HINFP: variants seen among roughly 807,000 people sequenced by gnomAD.
HINFP encodes the protein MBD2 (methyl-CpG-binding protein)-interacting zinc finger protein.
Under a neutral mutation model 50.1 loss-of-function variants are expected in HINFP, and 20 were observed. The ratio of observed to expected loss-of-function variants is 0.40; its 90% CI spans 0.28 to 0.58. HINFP has a LOEUF of 0.58. Among genes scored for constraint, HINFP ranks in the 20% least tolerant of loss-of-function variants. The pLI, the probability that HINFP is intolerant of heterozygous loss-of-function variation, is 0.45. For missense variants in HINFP, 505 were observed against 664.1 expected (o/e 0.76, Z 2.63); for synonymous variants, 247 against 243.7 (o/e 1.01, Z -0.13).
At chr11:119,129,490 C>CTTTTCTTTTTT (rs1555213902) in intron 2 of HINFP, among the ~76,000 whole-genome samples, 1 of 124,190 alleles carries the variant, frequency 8.1e-6, no homozygotes, top group African/African-American at 3.1e-5. Context: ...TTTTTCTTTT[C>CTTTTCTTTTTT]TTTTTTTTTT....
chr11:119,126,958 G>A lies in HINFP; in HGVS notation c.14G>A (p.Gly5Glu). The part of the protein sequence containing the change: MPPP[G>E]KVPRKENLWL... ...AGGGTGAAGGCCATGCCGCCTCCTG[G>A]GAAAGTTCCCCGAAAGGAGAATCTG... The change falls in exon 2 of 10, where the codon GGG (glycine) becomes GAG (glutamate). Residue 5 changes from glycine to glutamate, a missense_variant. By Grantham distance (98) the Gly-to-Glu change is moderately conservative. Transcript: ENST00000350777. 1 of 1,613,146 alleles carries A rather than the reference G, an allele frequency of 6.2e-7. No homozygotes were observed. Among genetic ancestry groups the A allele is most frequent in the Non-Finnish European group, 8.5e-7 (1 of 1,179,570 alleles).
intron 5 of HINFP, chr11:119,132,219 G>T (rs1449415046): frequency 6.5e-6 from 4 of 618,210 alleles, no homozygotes; most frequent in African/African-American, 1.8e-5. Context: ...CCATGAGGTA[G>T]GCTTCTTATC....
Position 119,130,725 on chromosome 11 carries a change from A to G in HINFP, c.182A>G (p.Glu61Gly), listed in dbSNP as rs745583132. ...EEEEEEDDPL[E>G]EEFSCLWQEC... ...CTTCCTTTTAAACCCCTTTCTACAG[A>G]GGAAGAATTCTCCTGCTTGTGGCAG... The change falls in exon 3 of 10, where the codon GAG becomes GGG. Residue 61 changes from glutamate to glycine, a missense_variant and splice_region_variant. Coordinates refer to ENST00000350777, the MANE Select transcript of HINFP (RefSeq NM_198971.3). 1.2e-6 allele frequency: 2 copies of G among 1,614,038 alleles called. No individual in the cohort carries two copies. The highest frequency in any genetic ancestry group is 3.3e-5 in the Admixed American group (2 of 60,030).
At position 119,134,261 on chromosome 11, in the gene HINFP, G is replaced by C; in HGVS notation, c.1317G>C (p.Lys439Asn). Residue 439 changes from lysine to asparagine, a missense_variant, in exon 10 of 10, where the codon AAG becomes AAC. Coordinates refer to ENST00000350777, the MANE Select transcript of HINFP (RefSeq NM_198971.3). This position sits in a 1 kb window ranked among gnomAD's most constrained non-coding sequence, Gnocchi z 4.3. ...CAGTGCCAGGGGAGCCAGGACGTAA[G>C]GAAGAGGAAGAGGAGGGCAAGGGTA... Reference protein sequence around the residue: ...LETVPGEPGRKEEEEEGKGSE... With the variant: ...LETVPGEPGRNEEEEEGKGSE... The C allele has an allele frequency of 1.9e-6, 3 of 1,614,074 alleles. No homozygotes were observed. Among genetic ancestry groups the C allele is most frequent in the Non-Finnish European group, 2.5e-6 (3 of 1,179,896 alleles).
chr11:119,133,013 C>T lies in HINFP; in HGVS notation c.1014+11C>T. On this transcript the variant is annotated intron_variant, in intron 8 of 9. Coordinates refer to ENST00000350777, the MANE Select transcript of HINFP (RefSeq NM_198971.3). ...CGCAAAGTACATGAAGTGAGTGGGG[C>T]TGGTGTTGGGAAGGACTAGTGGAAG... 6.2e-7 allele frequency: 1 copy of T among 1,614,212 alleles called. No individual in the cohort carries two copies. Among genetic ancestry groups the T allele is most frequent in the South Asian group, 1.1e-5 (1 of 91,086 alleles).
At position 119,126,969 on chromosome 11, in the gene HINFP, C is replaced by G; in HGVS notation, c.25C>G (p.Arg9Gly). The change falls in exon 2 of 10, where the codon CGA becomes GGA. Residue 9 changes from arginine to glycine, a missense_variant. Physicochemically the swap from Arg to Gly is moderately radical, Grantham distance 125 (BLOSUM62 -2). Coordinates refer to ENST00000350777, the MANE Select transcript of HINFP (RefSeq NM_198971.3). ...CATGCCGCCTCCTGGGAAAGTTCCC[C>G]GAAAGGAGAATCTGTGGCTACAGTG... is the stretch of plus-strand genomic sequence containing the variant. The part of the protein sequence containing the change: MPPPGKVP[R>G]KENLWLQCEW... 1 of 1,613,316 alleles carries G rather than the reference C, an allele frequency of 6.2e-7. No homozygotes were observed. Among genetic ancestry groups the G allele is most frequent in the Non-Finnish European group, 8.5e-7 (1 of 1,179,674 alleles).
chr11:119,122,898 G>A (rs955744809), intron 1 of HINFP, among the ~76,000 whole-genome samples: 1 of 152,044 alleles, frequency 6.6e-6, no homozygotes, highest in South Asian at 2.1e-4. Flanking sequence ...CGAGGCGGGC[G>A]GATCACTTGA....
chr11:119,131,200 C>G lies in HINFP; in HGVS notation c.411+246C>G. 1 of 654,222 alleles carries G rather than the reference C, an allele frequency of 1.5e-6. No individual in the cohort carries two copies. The highest frequency in any genetic ancestry group is 2.8e-6 in the Non-Finnish European group (1 of 356,338). 40.5% of individuals were successfully genotyped at this position (654,222 alleles called of 1,614,324 possible). The stretch of plus-strand genomic sequence containing the variant: ...AACTCCTGGGCTCAAGCAATCCTCC[C>G]ACCTCAGCCTCCCAAGTAGCTAGGA... On this transcript the variant is annotated intron_variant, in intron 3 of 9. Coordinates refer to ENST00000350777, the MANE Select transcript of HINFP (RefSeq NM_198971.3). This position sits in a 1 kb window ranked among gnomAD's most constrained non-coding sequence, Gnocchi z 4.2.
chr11:119,127,473 GTT>G (rs57165169), intron 2 of HINFP: 90 of 68,960 alleles, frequency 1.3e-3, no homozygotes, highest in African/African-American at 3.0e-3. Flanking sequence ...TTGTTGTTGT[GTT>G]TTTTTTTTTT....
At position 119,135,041 on chromosome 11, in the gene HINFP, A is replaced by G. The variant is rs1947997316; in HGVS notation, c.*543A>G. ...CAAATTGTTTTTGGTAATAAAATAA[A>G]TGCTTGGACTCTTATTTATTTCTTC... On this transcript the variant is annotated 3_prime_UTR_variant, in exon 10 of 10. Transcript: ENST00000350777. 1 of 152,918 alleles carries G rather than the reference A, an allele frequency of 6.5e-6. No individual in the cohort carries two copies. The highest frequency in any genetic ancestry group is 2.4e-5 in the African/African-American group (1 of 41,444). The allele number at this position is 152,918 out of a possible 1,614,324, so 9.5% of individuals were successfully genotyped here. A position where few individuals can be genotyped will look rare whatever the true frequency, so the allele number is the denominator to read the frequency against.
chr11:119,133,505 G>C (rs1947897392), intron 9 of HINFP: 2 of 367,100 alleles, frequency 5.4e-6, no homozygotes, highest in Non-Finnish European at 1.0e-5. Context: ...CTTGAACCCA[G>C]AAGGCGGAGG....
chr11:119,129,422 TC>T (rs1431930651), intron 2 of HINFP, among the ~76,000 whole-genome samples: 2 of 151,776 alleles, frequency 1.3e-5, no homozygotes, highest in Admixed American at 6.6e-5. Context: ...TCCTCCTGCC[TC>T]AGCATGCTGA....
chr11:119,133,531 A>G (rs983456756), intron 9 of HINFP: 7 of 309,436 alleles, frequency 2.3e-5, no homozygotes, highest in Non-Finnish European at 4.2e-5. Flanking sequence ...GTGAGCTGAG[A>G]TCATGCCACT....
chr11:119,123,313 A>G (rs1465348063), intron 1 of HINFP, among the ~76,000 whole-genome samples: 30 of 152,052 alleles, frequency 2.0e-4, no homozygotes, highest in Admixed American at 2.0e-3. Flanking sequence ...GTGCTCTTAC[A>G]TCAGATGAAG....
In HINFP at chr11:119,132,910, G is replaced by A. The variant is rs1947853986; in HGVS notation, c.922G>A (p.Glu308Lys). Residue 308 changes from glutamate to lysine, a missense_variant, in exon 8 of 10, where the codon GAG (glutamate) becomes AAG (lysine). Physicochemically the swap from Glu to Lys is moderately conservative, Grantham distance 56. Transcript: ENST00000350777. ...CCAGAAGCACCTGGATACCCACAGC[G>A]AGGAGCCAGCCTACAGGTGTGATTT... ...DLQKHLDTHS[E>K]EPAYRCDFEN... 6 of 1,614,218 alleles carry A rather than the reference G, an allele frequency of 3.7e-6. No individual in the cohort carries two copies. Among genetic ancestry groups the A allele is most frequent in the East Asian group, 4.5e-5 (2 of 44,886 alleles).
rs1489268266 is a variant in HINFP at position 119,131,281 on chromosome 11, G to A, written c.412-254G>A. 1.8e-6 allele frequency: 1 copy of A among 569,180 alleles called. No homozygotes were observed. The highest frequency in any genetic ancestry group is 3.2e-6 in the Non-Finnish European group (1 of 313,696). 35.3% of individuals were successfully genotyped at this position (569,180 alleles called of 1,614,324 possible). A position where few individuals can be genotyped will look rare whatever the true frequency, so the allele number is the denominator to read the frequency against. On this transcript the variant is annotated intron_variant, in intron 3 of 9. Transcript: ENST00000350777. The surrounding 1 kb of genome is among the most constrained non-coding windows in gnomAD (Gnocchi z 4.2). ...CTTCTAAATTTTTTGTAGAGACAAGGTCTGGGTGTGTTGCCCAGGCCGGTC... is the reference window on the plus strand; with the variant it reads ...CTTCTAAATTTTTTGTAGAGACAAGATCTGGGTGTGTTGCCCAGGCCGGTC...
intron 2 of HINFP, chr11:119,127,473 G>GTTTTTTTTTTTTTTTTT (rs57165169): frequency 5.8e-5 from 4 of 68,968 alleles, no homozygotes; most frequent in Non-Finnish European, 9.1e-5. Context: ...TTGTTGTTGT[G>GTTTTTTTTTTTTTTTTT]TTTTTTTTTT....
intron 2 of HINFP, chr11:119,129,859 C>T (rs1947655743): frequency 1.3e-5 from 2 of 152,214 alleles, no homozygotes; most frequent in Admixed American, 1.3e-4. Context: ...AATATGGAGG[C>T]AGCTCTCCTT....
At position 119,131,567 on chromosome 11, in the gene HINFP, G is replaced by T. The variant is rs766129494; in HGVS notation, c.444G>T (p.Arg148=). ...NSFDNPEWFY[R]HVEAHSLCCE... ...TCGACAATCCTGAGTGGTTTTATCG[G>T]CATGTGGAAGCACACAGTCTGTGCT... Residue 148 remains arginine, a synonymous_variant, in exon 4 of 10, where the codon CGG becomes CGT. Coordinates refer to ENST00000350777, the MANE Select transcript of HINFP (RefSeq NM_198971.3). The surrounding 1 kb of genome is among the most constrained non-coding windows in gnomAD (Gnocchi z 4.2). 6.2e-7 allele frequency: 1 copy of T among 1,614,144 alleles called. No homozygotes were observed. Among genetic ancestry groups the T allele is most frequent in the Non-Finnish European group, 8.5e-7 (1 of 1,180,006 alleles).
Sources: gnomAD v4.1 joint callset for allele counts (sites outside exome capture counted in the v4.1 genomes callset) on GRCh38, gnomAD v4.1.1 for gene constraint, Gnocchi (gnomAD v3.1) non-coding constraint, MANE v1.5 for transcripts, NCBI Gene and HGNC (gene_info 2026-07-23, HGNC 2026-07-21) for gene names.